The following USP37 variants were observed in gnomAD, a reference collection of about 807,000 sequenced individuals.
The protein encoded by USP37 is ubiquitin carboxyl-terminal hydrolase 37.
A neutral mutation model predicts 124.0 loss-of-function variants in USP37; 27 were observed. That is an observed-to-expected ratio of 0.22 (90% CI 0.16 to 0.30). The LOEUF (loss-of-function observed/expected upper bound fraction) is 0.30, where lower values mean the gene tolerates loss of function less well. Ranked by LOEUF, USP37 falls within the 10% of genes least tolerant of loss-of-function variation. The probability of loss-of-function intolerance (pLI) is 1.00; values close to 1 mark genes in which losing one functional copy is unlikely to be tolerated. For missense variants in USP37, 889 were observed against 1,140.4 expected (o/e 0.78, Z 3.17); for synonymous variants, 365 against 388.0 (o/e 0.94, Z 0.70).
chr2:218,524,264 T>C (rs1450539486), intron 10 of USP37, among the ~76,000 whole-genome samples: 1 of 152,192 alleles, frequency 6.6e-6, no homozygotes. Flanking sequence ...ATTAGTTATG[T>C]AGCCTTTCCT....
chr2:218,474,502 G>C, intron 20 of USP37, 128 bp downstream of exon 20: 1 of 1,353,832 alleles, frequency 7.4e-7, no homozygotes. Flanking sequence ...GCTGGGATTA[G>C]GGTCACACAC....
chr2:218,468,960 T>C (rs1277340565), intron 20 of USP37, among the ~76,000 whole-genome samples: 2 of 152,214 alleles, frequency 1.3e-5, no homozygotes, highest in Non-Finnish European at 2.9e-5. Flanking sequence ...CCCAAAGTGC[T>C]GGGATTATAG....
At chr2:218,560,733 C>T (rs1693263237) in intron 3 of USP37, 87 bp downstream of exon 3, 1 of 152,170 alleles carries the variant, frequency 6.6e-6, no homozygotes, top group Non-Finnish European at 1.5e-5. Flanking sequence ...TAAAGACATC[C>T]AAACGTTTAT....
chr2:218,524,860 T>C (rs1690868675), intron 10 of USP37, among the ~76,000 whole-genome samples: 1 of 152,232 alleles, frequency 6.6e-6, no homozygotes, highest in Non-Finnish European at 1.5e-5. Flanking sequence ...TCCACCCGCC[T>C]TGGCCTCCCA....
At chr2:218,509,024 C>G (rs1433120662) in intron 11 of USP37, among the ~76,000 whole-genome samples, 1 of 152,182 alleles carries the variant, frequency 6.6e-6, no homozygotes, top group Non-Finnish European at 1.5e-5. Flanking sequence ...AACAATTTTA[C>G]TTCCGACAAT....
At position 218,476,835 on chromosome 2, in the gene USP37, C is replaced by T. The variant is rs1691008645; in HGVS notation, c.2043+5G>A. 1.3e-6 allele frequency: 2 copies of T among 1,590,042 alleles called. No individual in the cohort carries two copies. The highest frequency in any genetic ancestry group is 1.7e-6 in the Non-Finnish European group (2 of 1,172,784). On this transcript the variant is annotated splice_donor_5th_base_variant and intron_variant, in intron 19 of 25. Coordinates refer to ENST00000258399, the MANE Select transcript of USP37 (RefSeq NM_020935.3). ...TGTCAGATGTTTTAAGAAAATATTA[C>T]TTACTTTTTCCAGGTCTTCCTGCTG...
chr2:218,558,711 G>T, intron 3 of USP37, 34 bp from the exon 4 acceptor site: 1 of 1,480,486 alleles, frequency 6.8e-7, no homozygotes, highest in Non-Finnish European at 9.1e-7. Flanking sequence ...CCTTTACCTG[G>T]CAGGTTCTAA....
At position 218,474,744 on chromosome 2, in the gene USP37, C is replaced by T. The variant is rs1690872882; in HGVS notation, c.2185G>A (p.Asp729Asn). The change falls in exon 20 of 26, where the codon GAT becomes AAT. Residue 729 changes from aspartate to asparagine, a missense_variant. By Grantham distance (23) the Asp-to-Asn change is conservative. Transcript: ENST00000258399. ...TCTGGGCTGCTAGTTGGCTTATCATCATCTTCATGACTCAGAGATGGTGAA... is the reference window on the plus strand; with the variant it reads ...TCTGGGCTGCTAGTTGGCTTATCATTATCTTCATGACTCAGAGATGGTGAA... ...DASPSLSHED[D>N]DKPTSSPDTG... 1 of 1,614,048 alleles carries T rather than the reference C, an allele frequency of 6.2e-7. No individual in the cohort carries two copies. The highest frequency in any genetic ancestry group is 1.3e-5 in the African/African-American group (1 of 74,920).
At chr2:218,541,342 T>C (rs950263555) in intron 8 of USP37, among the ~76,000 whole-genome samples, 17 of 152,114 alleles carry the variant, frequency 1.1e-4, no homozygotes, top group African/African-American at 3.9e-4. Flanking sequence ...TAAATGACTA[T>C]TGTAAGGAAG....
At position 218,558,697 on chromosome 2, in the gene USP37, TA is replaced by T; in HGVS notation, c.-24-21del. 1 of 1,548,656 alleles carries T rather than the reference TA, an allele frequency of 6.5e-7. No homozygotes were observed. The highest frequency in any genetic ancestry group is 8.7e-7 in the Non-Finnish European group (1 of 1,143,524). Reference sequence around the variant, plus strand: ...TTCTGGCTAAATTAAAAAGCAAAAATATACCTTTACCTGGCAGGTTCTAAGG... The same window carrying T: ...TTCTGGCTAAATTAAAAAGCAAAAATTACCTTTACCTGGCAGGTTCTAAGG... On this transcript the variant is annotated intron_variant, in intron 3 of 25. Coordinates refer to ENST00000258399, the MANE Select transcript of USP37 (RefSeq NM_020935.3).
chr2:218,517,589 G>A (rs1384855319), intron 10 of USP37, among the ~76,000 whole-genome samples: 1 of 152,168 alleles, frequency 6.6e-6, no homozygotes, highest in African/African-American at 2.4e-5. Flanking sequence ...AAAGTCAAAG[G>A]TCAGATATTT....
chr2:218,535,723 C>T (rs963657830), intron 8 of USP37, among the ~76,000 whole-genome samples: 17 of 151,920 alleles, frequency 1.1e-4, no homozygotes, highest in Non-Finnish European at 1.9e-4. Flanking sequence ...GGCGTGGTGG[C>T]GGGCACCTGT....
chr2:218,547,186 A>C, intron 6 of USP37, 95 bp from the exon 7 acceptor site: 2 of 1,361,832 alleles, frequency 1.5e-6, no homozygotes, highest in Non-Finnish European at 2.0e-6. Context: ...AAAAATACAA[A>C]TGGAGCCAGG....
chr2:218,551,372 G>A (rs923792074), intron 5 of USP37, among the ~76,000 whole-genome samples: 4 of 152,136 alleles, frequency 2.6e-5, no homozygotes, highest in African/African-American at 7.2e-5. Context: ...TTCTAATAAC[G>A]CCAATGACTT....
chr2:218,465,702 T>A (rs1690277283), intron 21 of USP37, among the ~76,000 whole-genome samples: 1 of 152,040 alleles, frequency 6.6e-6, no homozygotes, highest in Non-Finnish European at 1.5e-5. Flanking sequence ...GGACTACAGG[T>A]GTGTGCCACC....
chr2:218,553,817 G>A, intron 4 of USP37, 93 bp from the exon 5 acceptor site: 1 of 1,228,484 alleles, frequency 8.1e-7, no homozygotes, highest in South Asian at 2.0e-5. Flanking sequence ...TACTTTCCAT[G>A]TTACATTTAT....
intron 14 of USP37, among the ~76,000 whole-genome samples, chr2:218,490,223 C>A (rs913777078): frequency 6.6e-6 from 1 of 152,104 alleles, no homozygotes; most frequent in Non-Finnish European, 1.5e-5. Flanking sequence ...TGGTGGCAGG[C>A]ACCTGTAGTC....
chr2:218,556,503 GTTTTTTTTTTTTTTTTTT>G (rs34907421), intron 4 of USP37, among the ~76,000 whole-genome samples: 1 of 53,806 alleles, frequency 1.9e-5, no homozygotes, highest in African/African-American at 6.0e-5. Context: ...GGGTTTTTCT[GTTTTTTTTTTTTTTTTTT>G]TTTTTTTTTG....
At chr2:218,527,250 T>C (rs997769121) in intron 10 of USP37, among the ~76,000 whole-genome samples, 1 of 152,222 alleles carries the variant, frequency 6.6e-6, no homozygotes, top group African/African-American at 2.4e-5. Context: ...ATCATTGTTG[T>C]CCCATTTTCA....
Sources: allele counts gnomAD v4.1 joint callset (sites outside exome capture counted in the v4.1 genomes callset), GRCh38; gene constraint gnomAD v4.1.1; transcripts MANE v1.5; gene names NCBI Gene and HGNC (gene_info 2026-07-23, HGNC 2026-07-21).